The following PHACTR2 variants were observed in gnomAD, a reference collection of about 807,000 sequenced individuals.
PHACTR2 encodes phosphatase and actin regulator 2, also known as chromosome 6 open reading frame 56.
In PHACTR2, 30 loss-of-function variants were observed where a neutral mutation model predicts 76.0. That is an observed-to-expected ratio of 0.39 (90% CI 0.30 to 0.54). The LOEUF is 0.54. Among genes scored for constraint, PHACTR2 ranks in the 20% least tolerant of loss-of-function variants. The pLI is 0.61. For missense variants in PHACTR2, 696 were observed against 781.1 expected, an observed-to-expected ratio of 0.89 and a Z score of 1.30; for synonymous variants, 292 against 292.5, an observed-to-expected ratio of 1.00 and a Z score of 0.02.
chr6:143,711,003 A>T, intron 1 of PHACTR2: 1 of 515,186 alleles, frequency 1.9e-6, no homozygotes, highest in Admixed American at 2.0e-5. Flanking sequence ...ACATGTCATT[A>T]ATTAGACTTC....
chr6:143,732,783 A>C, intron 2 of PHACTR2, among the ~76,000 whole-genome samples: 1 of 151,946 alleles, frequency 6.6e-6, no homozygotes, highest in Admixed American at 6.6e-5. Flanking sequence ...ATTTCTCTAC[A>C]CTCCAGCCAA....
chr6:143,657,043 T>C (rs935676617), intron 1 of PHACTR2, among the ~76,000 whole-genome samples: 2 of 130,642 alleles, frequency 1.5e-5, no homozygotes, highest in African/African-American at 6.2e-5. Flanking sequence ...TGAGAACACA[T>C]GGATGCAGGG....
intron 2 of PHACTR2, among the ~76,000 whole-genome samples, chr6:143,723,810 C>T (rs191418411): frequency 6.6e-6 from 1 of 152,298 alleles, no homozygotes; most frequent in African/African-American, 2.4e-5. Flanking sequence ...AATTCTCCCT[C>T]TCCTGTGTGT....
At chr6:143,604,863 G>C (rs914698962), upstream of PHACTR2, among the ~76,000 whole-genome samples, 9 of 146,810 alleles carry the variant, frequency 6.1e-5, no homozygotes, top group African/African-American at 2.3e-4. Context: ...TTGCACTCCA[G>C]CCTAGGCAAC....
At position 143,807,513 on chromosome 6, in the gene PHACTR2, G is replaced by A. The variant is rs1229359635; in HGVS notation, c.1922+380G>A. On this transcript the variant is annotated intron_variant, in intron 12 of 12. Coordinates refer to ENST00000440869, the MANE Select transcript of PHACTR2 (RefSeq NM_001100164.2). This position sits in a 1 kb window ranked among gnomAD's most constrained non-coding sequence, Gnocchi z 5.5. ...AAGGAAGTCTGAATCATTCCATGGG[G>A]CTACATTTTGGTTCCTTTCTTCGTT... Among the ~76,000 whole-genome samples the A allele has an allele frequency of 3.3e-5, 5 of 152,148 alleles. No individual in the cohort carries two copies. Among genetic ancestry groups the A allele is most frequent in the Non-Finnish European group, 7.3e-5 (5 of 68,028 alleles).
intron 2 of PHACTR2, among the ~76,000 whole-genome samples, chr6:143,736,311 G>C (rs1035731823): frequency 1.4e-5 from 2 of 148,048 alleles, no homozygotes; most frequent in Admixed American, 1.4e-4. Flanking sequence ...AGAAAAGTTA[G>C]GTAATCACCC....
chr6:143,781,144 G>A (rs969565210), intron 9 of PHACTR2, among the ~76,000 whole-genome samples: 13 of 152,224 alleles, frequency 8.5e-5, no homozygotes, highest in African/African-American at 3.1e-4. Context: ...CAGAGGAACA[G>A]TCATGTTGGC....
chr6:143,660,053 T>A (rs1180706974), intron 1 of PHACTR2, among the ~76,000 whole-genome samples: 1 of 152,160 alleles, frequency 6.6e-6, no homozygotes, highest in East Asian at 1.9e-4. Flanking sequence ...ATTAAAAAAC[T>A]TAAGTGCTCA....
chr6:143,639,183 A>G lies in PHACTR2; in HGVS notation c.13+30861A>G, dbSNP rs1776521585. On this transcript the variant is annotated intron_variant, in intron 1 of 11. Coordinates refer to the PHACTR2 transcript ENST00000305766. The surrounding 1 kb of genome is among the most constrained non-coding windows in gnomAD (Gnocchi z 5.0). ...TTACATCTTTCTGCTTTCATGAGCC[A>G]CCAATGACATGCTTCATAAAATGAC... Among the ~76,000 whole-genome samples the G allele has an allele frequency of 6.6e-6, 1 of 152,258 alleles. No homozygotes were observed. Among genetic ancestry groups the G allele is most frequent in the Non-Finnish European group, 1.5e-5 (1 of 68,040 alleles).
chr6:143,631,462 G>A (rs1358339176), intron 1 of PHACTR2, among the ~76,000 whole-genome samples: 3 of 152,208 alleles, frequency 2.0e-5, no homozygotes, highest in African/African-American at 4.8e-5. Context: ...CTAAAGTGTT[G>A]GGATTAGACG....
At chr6:143,626,962 CA>C (rs1467713654) in intron 1 of PHACTR2, among the ~76,000 whole-genome samples, 1 of 152,194 alleles carries the variant, frequency 6.6e-6, no homozygotes, top group African/African-American at 2.4e-5. Context: ...CTTTACAAGA[CA>C]AACTAAAACG....
In PHACTR2 at chr6:143,712,112, T is replaced by C. The variant is rs766999472; in HGVS notation, c.143T>C (p.Ile48Thr). The C allele has an allele frequency of 3.1e-6, 5 of 1,593,424 alleles. No homozygotes were observed. Among genetic ancestry groups the C allele is most frequent in the South Asian group, 1.2e-5 (1 of 86,650 alleles). Residue 48 changes from isoleucine (I) to threonine (T), a missense_variant, in exon 2 of 13, where the codon ATT (isoleucine) becomes ACT (threonine). Transcript: ENST00000440869. ...PFKRKGKLST[I>T]GKIFKPWKWR... ...AAAAGAAAGGGGAAACTATCCACCATTGGTAAAATCTTTAAGCCTTGGAAA... is the reference window on the plus strand; with the variant it reads ...AAAAGAAAGGGGAAACTATCCACCACTGGTAAAATCTTTAAGCCTTGGAAA...
intron 2 of PHACTR2, among the ~76,000 whole-genome samples, chr6:143,726,094 TTTTCA>T (rs1196571746): frequency 6.6e-6 from 1 of 152,214 alleles, no homozygotes; most frequent in African/African-American, 2.4e-5. Flanking sequence ...TGAGCAAAAG[TTTTCA>T]TTTCTTTAGG....
rs1203632702 is a variant in PHACTR2, at chr6:143,777,768, ATATTAT to A, written c.1645+391_1645+396del. 8.5e-5 allele frequency among the ~76,000 whole-genome samples: 13 copies of A among 152,248 alleles called. No individual in the cohort carries two copies. Among genetic ancestry groups the A allele is most frequent in the Non-Finnish European group, 1.3e-4 (9 of 68,044 alleles). ...ACAAGGAAACAAATCAAACATTCCT[ATATTAT>A]TATTAACAATACAGTTTGTTGCTAG... On this transcript the variant is annotated intron_variant, in intron 9 of 12. Coordinates refer to ENST00000440869, the MANE Select transcript of PHACTR2 (RefSeq NM_001100164.2). The surrounding 1 kb of genome is among the most constrained non-coding windows in gnomAD (Gnocchi z 4.6).
chr6:143,726,443 C>A (rs185796069), intron 2 of PHACTR2, among the ~76,000 whole-genome samples: 2 of 152,126 alleles, frequency 1.3e-5, no homozygotes, highest in African/African-American at 2.4e-5. Flanking sequence ...TTTTTGCCCC[C>A]CCAGTAACCC....
In PHACTR2 at chr6:143,809,799, A is replaced by C. The variant is rs1179306565; in HGVS notation, c.1922+2666A>C. On this transcript the variant is annotated intron_variant, in intron 12 of 12. Coordinates refer to ENST00000440869, the MANE Select transcript of PHACTR2 (RefSeq NM_001100164.2). This position sits in a 1 kb window ranked among gnomAD's most constrained non-coding sequence, Gnocchi z 4.2. ...CTCACACATAAACACAGCATCTAAG[A>C]AATCTTTCTATAATAATATATATCT... is the stretch of plus-strand genomic sequence containing the variant. 6.6e-6 allele frequency among the ~76,000 whole-genome samples: 1 copy of C among 152,058 alleles called. No individual in the cohort carries two copies. Among genetic ancestry groups the C allele is most frequent in the East Asian group, 1.9e-4 (1 of 5,194 alleles).
At chr6:143,676,743 TA>T (rs551563271), upstream of PHACTR2, among the ~76,000 whole-genome samples, 774 of 144,148 alleles carry the variant, frequency 5.4e-3, 3 homozygotes, top group Non-Finnish European at 6.5e-3. This position sits in a 1 kb window ranked among gnomAD's most constrained non-coding sequence, Gnocchi z 4.8. Flanking sequence ...TCAATTTCAT[TA>T]AAAAAAAAAA....
chr6:143,636,191 G>A (rs951189561), intron 1 of PHACTR2, among the ~76,000 whole-genome samples: 3 of 150,376 alleles, frequency 2.0e-5, no homozygotes, highest in Non-Finnish European at 2.9e-5. Flanking sequence ...TCCAGCCTGG[G>A]TGACAGAGTC....
rs984399863 is a variant in PHACTR2, at chr6:143,793,851, A to C, written c.1845+4941A>C. Among the ~76,000 whole-genome samples the C allele has an allele frequency of 1.3e-5, 2 of 152,146 alleles. No individual in the cohort carries two copies. The highest frequency in any genetic ancestry group is 4.8e-5 in the African/African-American group (2 of 41,446). On this transcript the variant is annotated intron_variant, in intron 11 of 12. Coordinates refer to ENST00000440869, the MANE Select transcript of PHACTR2 (RefSeq NM_001100164.2). The surrounding 1 kb of genome is among the most constrained non-coding windows in gnomAD (Gnocchi z 4.4). ...AGAATTGCTTGAGCCCAGGAGCAGG[A>C]GGCTGCAGTGAGCCATGCCACGGCA...
Sources: gnomAD v4.1 joint callset for allele counts (sites outside exome capture counted in the v4.1 genomes callset) on GRCh38, gnomAD v4.1.1 for gene constraint, Gnocchi (gnomAD v3.1) non-coding constraint, MANE v1.5 for transcripts, NCBI Gene and HGNC (gene_info 2026-07-23, HGNC 2026-07-21) for gene names.